SLC25A47: variants seen among roughly 807,000 people sequenced by gnomAD.
SLC25A47 encodes HCC-down-regulated mitochondrial carrier protein.
SLC25A47 carries 30 observed loss-of-function variants against 29.8 expected under a neutral mutation model. The ratio of observed to expected loss-of-function variants is 1.01; its 90% CI spans 0.75 to 1.36. The LOEUF is 1.36. SLC25A47 is among the 40% of genes most tolerant of loss of function. The pLI, the probability that SLC25A47 is intolerant of heterozygous loss-of-function variation, is 0.00. For missense variants in SLC25A47, 430 were observed against 441.9 expected, an observed-to-expected ratio of 0.97 and a Z score of 0.24; for synonymous variants, 204 against 197.8, an observed-to-expected ratio of 1.03 and a Z score of -0.26.
intron 1 of SLC25A47, among the ~76,000 whole-genome samples, chr14:100,324,127 G>GGTGGC (rs1893296661): frequency 6.6e-6 from 1 of 152,162 alleles, no homozygotes; most frequent in Non-Finnish European, 1.5e-5. Flanking sequence ...AACATCGGTG[G>GGTGGC]GTGGCGTCAG....
chr14:100,324,465 TC>T (rs1432785373), intron 1 of SLC25A47, among the ~76,000 whole-genome samples: 1 of 152,184 alleles, frequency 6.6e-6, no homozygotes, highest in Non-Finnish European at 1.5e-5. Flanking sequence ...CCTCAAGCGA[TC>T]CGCACGCCTC....
At chr14:100,325,734 T>C (rs1893326079) in intron 1 of SLC25A47, 54 bp from the exon 2 acceptor site, 1 of 1,582,606 alleles carries the variant, frequency 6.3e-7, no homozygotes, top group African/African-American at 1.3e-5. Flanking sequence ...GCAATGGGGT[T>C]GAACTGCTCG....
At chr14:100,325,277 G>GT (rs1177101776) in intron 1 of SLC25A47, among the ~76,000 whole-genome samples, 3 of 152,202 alleles carry the variant, frequency 2.0e-5, no homozygotes, top group Admixed American at 6.5e-5. Flanking sequence ...ACGAACCCCG[G>GT]TGTGGGCTTC....
chr14:100,326,637 G>A (rs1893344332), intron 3 of SLC25A47, among the ~76,000 whole-genome samples: 1 of 152,192 alleles, frequency 6.6e-6, no homozygotes, highest in South Asian at 2.1e-4. Flanking sequence ...TGCAGGCCAG[G>A]GGCTAGTTTG....
At chr14:100,329,074 G>A (rs769734072) in intron 5 of SLC25A47, 30 bp downstream of exon 5, 1 of 1,592,096 alleles carries the variant, frequency 6.3e-7, no homozygotes, top group South Asian at 1.1e-5. Flanking sequence ...TGGCAGGGCG[G>A]GGAGCCCAGA....
At chr14:100,329,098 C>T in intron 5 of SLC25A47, 54 bp downstream of exon 5, 1 of 1,566,118 alleles carries the variant, frequency 6.4e-7, no homozygotes, top group African/African-American at 1.4e-5. Context: ...ATGAGGAGGT[C>T]AAGGTGAGGT....
At position 100,329,542 on chromosome 14, in the gene SLC25A47, T is replaced by C. The variant is rs538434141; in HGVS notation, c.824T>C (p.Phe275Ser). Reference protein sequence around the residue: ...SVREEGPRVLFKGLVLNCCRA... With the variant: ...SVREEGPRVLSKGLVLNCCRA... ...CGAGAGGAGGGACCCCGGGTCCTTT[T>C]CAAGGGGCTGGTACTCAATTGCTGC... is the stretch of plus-strand genomic sequence containing the variant. Residue 275 changes from phenylalanine to serine, a missense_variant, in exon 6 of 6, where the codon TTC becomes TCC. Phe to Ser is a radical substitution (Grantham distance 155). Transcript: ENST00000361529. The C allele has an allele frequency of 1.7e-5, 27 of 1,613,578 alleles. No individual in the cohort carries two copies. In the East Asian group the frequency reaches 4.9e-4, roughly 29 times the overall value.
chr14:100,326,213 G>A lies in SLC25A47; in HGVS notation c.129G>A (p.Thr43=), dbSNP rs764195260. 8.1e-6 allele frequency: 13 copies of A among 1,613,728 alleles called. No individual in the cohort carries two copies. In the East Asian group the frequency reaches 1.1e-4, roughly 14 times the overall value. Residue 43 remains threonine, a synonymous_variant, in exon 3 of 6, where the codon ACG becomes ACA. Coordinates refer to ENST00000361529, the MANE Select transcript of SLC25A47 (RefSeq NM_207117.4). The part of the protein sequence containing the change: ...YTGIWHCVRD[T]YHRERVWGFY... ...GCATCTGGCACTGCGTCCGGGATAC[G>A]TATCACCGAGAGCGCGTAGGTCTGG...
intron 2 of SLC25A47, 95 bp downstream of exon 2, chr14:100,325,926 T>C: frequency 7.2e-7 from 1 of 1,388,298 alleles, no homozygotes; most frequent in Non-Finnish European, 9.9e-7. Flanking sequence ...CCCACCCCTT[T>C]CCTACCCAAA....
chr14:100,329,593 T>C lies in SLC25A47; in HGVS notation c.875T>C (p.Val292Ala), dbSNP rs1235991492. 3.7e-6 allele frequency: 6 copies of C among 1,613,518 alleles called. No individual in the cohort carries two copies. Among genetic ancestry groups the C allele is most frequent in the African/African-American group, 1.3e-5 (1 of 74,910 alleles). The change falls in exon 6 of 6, where the codon GTC becomes GCC. Residue 292 changes from valine (V) to alanine (A), a missense_variant. Val to Ala is a moderately conservative substitution (Grantham distance 64). Transcript: ENST00000361529. Reference protein sequence around the residue: ...CCRAFPVNMVVFVAYEAVLRL... With the variant: ...CCRAFPVNMVAFVAYEAVLRL... ...CGCGCCTTCCCTGTCAACATGGTGG[T>C]CTTCGTCGCCTATGAGGCAGTGCTG... is the stretch of plus-strand genomic sequence containing the variant.
At chr14:100,325,762 A>T in intron 1 of SLC25A47, 26 bp from the exon 2 acceptor site, 2 of 1,610,596 alleles carry the variant, frequency 1.2e-6, no homozygotes, top group Non-Finnish European at 1.7e-6. Flanking sequence ...CACTCTCCTC[A>T]CCGTGGGCCT....
chr14:100,328,967 G>A lies in SLC25A47; in HGVS notation c.569G>A (p.Gly190Asp), dbSNP rs761155055. 6.2e-7 allele frequency: 1 copy of A among 1,602,812 alleles called. No homozygotes were observed. Among genetic ancestry groups the A allele is most frequent in the South Asian group, 1.1e-5 (1 of 91,090 alleles). The stretch of plus-strand genomic sequence containing the variant: ...AGCTCGGCCCTGGTCTTACGGGACG[G>A]CCACTCCTTTGCCACCTACTTCCTT... ...KGSSALVLRDGHSFATYFLSY... is the reference protein window; with the variant it reads ...KGSSALVLRDDHSFATYFLSY... Residue 190 changes from glycine to aspartate, a missense_variant, in exon 5 of 6, where the codon GGC becomes GAC. Physicochemically the swap from Gly to Asp is moderately conservative, Grantham distance 94. Transcript: ENST00000361529.
intron 3 of SLC25A47, among the ~76,000 whole-genome samples, chr14:100,326,906 G>A (rs1893348840): frequency 6.6e-6 from 1 of 152,082 alleles, no homozygotes; most frequent in Admixed American, 6.5e-5. Context: ...CCTGGGATGC[G>A]GAGGTTGCAG....
intron 2 of SLC25A47, 104 bp downstream of exon 2, chr14:100,325,935 A>C: frequency 1.6e-6 from 2 of 1,254,846 alleles, no homozygotes; most frequent in Non-Finnish European, 2.2e-6. Flanking sequence ...TTCCTACCCA[A>C]ATGCCTTCAA....
intron 1 of SLC25A47, among the ~76,000 whole-genome samples, chr14:100,324,745 A>G (rs1893307460): frequency 6.6e-6 from 1 of 152,142 alleles, no homozygotes; most frequent in African/African-American, 2.4e-5. Context: ...GTCCTTGGAG[A>G]ACTCCAGTTC....
intron 4 of SLC25A47, among the ~76,000 whole-genome samples, chr14:100,327,858 C>T (rs749440812): frequency 2.0e-5 from 3 of 152,252 alleles, no homozygotes; most frequent in South Asian, 2.1e-4. Context: ...GGTGACAGCA[C>T]GGAGCCAGCT....
intron 2 of SLC25A47, 121 bp from the exon 3 acceptor site, chr14:100,326,036 G>C: frequency 9.9e-7 from 1 of 1,006,982 alleles, no homozygotes; most frequent in South Asian, 1.5e-5. Flanking sequence ...CCCTGTCCCT[G>C]CTGTGCCACC....
chr14:100,327,414 C>T (rs1266261286), intron 4 of SLC25A47, 44 bp downstream of exon 4: 14 of 1,539,656 alleles, frequency 9.1e-6, no homozygotes, highest in East Asian at 2.3e-5. Context: ...AGAGAGACTG[C>T]GGGGTCTGAG....
chr14:100,325,767 G>A (rs1893327243), intron 1 of SLC25A47, 21 bp from the exon 2 acceptor site: 1 of 1,611,910 alleles, frequency 6.2e-7, no homozygotes, highest in Admixed American at 1.7e-5. Context: ...TCCTCACCGT[G>A]GGCCTCTTCT....
Sources: allele counts gnomAD v4.1 joint callset (sites outside exome capture counted in the v4.1 genomes callset), GRCh38; gene constraint gnomAD v4.1.1; transcripts MANE v1.5; gene names NCBI Gene and HGNC (gene_info 2026-07-23, HGNC 2026-07-21).